Variants in NFKB1 observed in about 807,000 individuals in gnomAD.
The protein encoded by NFKB1 is nuclear factor kappa B subunit 1.
NFKB1 carries 9 observed loss-of-function variants against 105.1 expected under a neutral mutation model. That is an observed-to-expected ratio of 0.09 (90% CI 0.05 to 0.15). The LOEUF (loss-of-function observed/expected upper bound fraction) is 0.15. Ranked by LOEUF, NFKB1 falls within the 10% of genes least tolerant of loss-of-function variation. The pLI is 1.00. For synonymous variants in NFKB1, 440 were observed against 442.2 expected (o/e 1.00, Z 0.06); for missense variants, 830 against 1,203.7 (o/e 0.69, Z 4.59).
At position 102,610,514 on chromosome 4, in the gene NFKB1, C is replaced by T. The variant is rs1400652823; in HGVS notation, c.2228-61C>T. The stretch of plus-strand genomic sequence containing the variant: ...TTTGCCTTTGGGAATCTGACCTTTG[C>T]AGGCAGTTGGAAGTTGACAAGATCT... On this transcript the variant is annotated intron_variant, in intron 19 of 23. Transcript: ENST00000226574. 5.7e-6 allele frequency: 9 copies of T among 1,572,548 alleles called. No homozygotes were observed. In the African/African-American group the frequency reaches 1.2e-4, roughly 21 times the overall value.
At chr4:102,545,862 A>C (rs763395450) in intron 5 of NFKB1, among the ~76,000 whole-genome samples, 1 of 152,206 alleles carries the variant, frequency 6.6e-6, no homozygotes, top group African/African-American at 2.4e-5. Context: ...TAGATATTCA[A>C]TGTATACCGT....
intron 5 of NFKB1, among the ~76,000 whole-genome samples, chr4:102,542,861 AACTC>A (rs918771986): frequency 2.0e-5 from 3 of 152,208 alleles, no homozygotes; most frequent in African/African-American, 7.2e-5. Flanking sequence ...AGTTTGTACT[AACTC>A]TTATAGCAAA....
At chr4:102,509,059 A>G (rs1398348505) in intron 1 of NFKB1, among the ~76,000 whole-genome samples, 3 of 152,196 alleles carry the variant, frequency 2.0e-5, no homozygotes, top group Non-Finnish European at 2.9e-5. Context: ...TGGACTTTTC[A>G]CCACATTATG....
chr4:102,596,313 A>G lies in NFKB1; in HGVS notation c.1476A>G (p.Glu492=). The part of the protein sequence containing the change: ...VTLTYATGTK[E]ESAGVQDNLF... Reference sequence around the variant, plus strand: ...TAACGTATGCAACAGGAACAAAAGAAGAGAGTGCTGGAGTTCAGGGTAAGT... The same window carrying G: ...TAACGTATGCAACAGGAACAAAAGAGGAGAGTGCTGGAGTTCAGGGTAAGT... The change falls in exon 14 of 24, where the codon GAA becomes GAG. Residue 492 remains glutamate (E), a synonymous_variant. Transcript: ENST00000226574. The G allele has an allele frequency of 6.2e-7, 1 of 1,609,950 alleles. No homozygotes were observed. Among genetic ancestry groups the G allele is most frequent in the Non-Finnish European group, 8.5e-7 (1 of 1,177,342 alleles).
chr4:102,576,627 C>T (rs1724843440), intron 6 of NFKB1, among the ~76,000 whole-genome samples: 1 of 152,098 alleles, frequency 6.6e-6, no homozygotes, highest in Non-Finnish European at 1.5e-5. Flanking sequence ...GAAATACTAA[C>T]GTGTTTGACT....
intron 10 of NFKB1, among the ~76,000 whole-genome samples, chr4:102,584,071 T>C (rs1725522789): frequency 6.6e-6 from 1 of 152,180 alleles, no homozygotes; most frequent in Non-Finnish European, 1.5e-5. Context: ...TGGTACACTG[T>C]AGGAACTGCA....
intron 6 of NFKB1, among the ~76,000 whole-genome samples, chr4:102,569,477 T>G (rs1724141805): frequency 6.6e-6 from 1 of 152,140 alleles, no homozygotes; most frequent in Non-Finnish European, 1.5e-5. Flanking sequence ...AGTTCTGACT[T>G]GTAGATAAGA....
intron 6 of NFKB1, among the ~76,000 whole-genome samples, chr4:102,569,938 T>C (rs1356640695): frequency 6.6e-6 from 1 of 152,158 alleles, no homozygotes; most frequent in Non-Finnish European, 1.5e-5. Context: ...ACTGCCTTTC[T>C]TGGTAAAAAA....
chr4:102,614,963 G>A (rs926822031), intron 23 of NFKB1, among the ~76,000 whole-genome samples: 2 of 152,016 alleles, frequency 1.3e-5, no homozygotes, highest in Non-Finnish European at 2.9e-5. Flanking sequence ...CGTATGCGAC[G>A]CATCGAGTGT....
chr4:102,565,813 T>C (rs2149166347), intron 5 of NFKB1, among the ~76,000 whole-genome samples: 1 of 152,192 alleles, frequency 6.6e-6, no homozygotes, highest in East Asian at 1.9e-4. Context: ...AATTACTGCG[T>C]AGTTGAGAGA....
intron 16 of NFKB1, among the ~76,000 whole-genome samples, chr4:102,603,490 A>G (rs1375200741): frequency 3.3e-5 from 5 of 152,012 alleles, no homozygotes; most frequent in African/African-American, 9.7e-5. Context: ...TGATACTTCT[A>G]TCCCTTCTGA....
Position 102,589,617 on chromosome 4 carries a change from C to T in NFKB1, c.1067-3808C>T, listed in dbSNP as rs561697143. On this transcript the variant is annotated intron_variant, in intron 11 of 23. Coordinates refer to ENST00000226574, the MANE Select transcript of NFKB1 (RefSeq NM_003998.4). ...TAATCAGTAAACAGAGACCTTCTAT[C>T]TAGCCCTAAGATGACTGAAACAACC... 1.4e-4 allele frequency among the ~76,000 whole-genome samples: 22 copies of T among 152,218 alleles called. No individual in the cohort carries two copies. The East Asian group carries it at 3.9e-3, about 27-fold the overall frequency.
At chr4:102,596,445 C>G (rs2149206897) in intron 14 of NFKB1, 113 bp downstream of exon 14, 1 of 821,914 alleles carries the variant, frequency 1.2e-6, no homozygotes, top group Non-Finnish European at 1.7e-6. Flanking sequence ...GTTTAGTGTA[C>G]TCTTCAAAGT....
At chr4:102,586,190 A>AAG (rs1172572224) in intron 11 of NFKB1, among the ~76,000 whole-genome samples, 1 of 152,162 alleles carries the variant, frequency 6.6e-6, no homozygotes, top group South Asian at 2.1e-4. Context: ...TGGTGGACTT[A>AAG]AGAGAGAGTG....
Position 102,594,900 on chromosome 4 carries a change from T to C in NFKB1, c.1219T>C (p.Phe407Leu). ...GTGSTGPGYSFPHYGFPTYGG... is the reference protein window; with the variant it reads ...GTGSTGPGYSLPHYGFPTYGG... Reference sequence around the variant, plus strand: ...TTTACTTGCCGTTTCAGGGTATAGCTTCCCACACTATGGATTTCCTACTTA... The same window carrying C: ...TTTACTTGCCGTTTCAGGGTATAGCCTCCCACACTATGGATTTCCTACTTA... The change falls in exon 13 of 24, where the codon TTC (phenylalanine) becomes CTC (leucine). Residue 407 changes from phenylalanine to leucine, a missense_variant. Coordinates refer to ENST00000226574, the MANE Select transcript of NFKB1 (RefSeq NM_003998.4). 6.2e-7 allele frequency: 1 copy of C among 1,609,706 alleles called. No individual in the cohort carries two copies. Among genetic ancestry groups the C allele is most frequent in the Admixed American group, 1.7e-5 (1 of 59,868 alleles).
At chr4:102,579,526 A>G (rs1422309073) in intron 8 of NFKB1, among the ~76,000 whole-genome samples, 2 of 151,592 alleles carry the variant, frequency 1.3e-5, no homozygotes, top group Non-Finnish European at 2.9e-5. Context: ...TCAAAATCCT[A>G]TTTCAAGCCG....
Position 102,612,588 on chromosome 4 carries a change from A to G in NFKB1, c.2574A>G (p.Thr858=). The change falls in exon 22 of 24, where the codon ACA becomes ACG. Residue 858 remains threonine, a synonymous_variant. Transcript: ENST00000226574. ...GGCTGAGTCCTGCTCCTTCCAAAACACTTATGGACAACTATGAGGTAACAC... is the reference window on the plus strand; with the variant it reads ...GGCTGAGTCCTGCTCCTTCCAAAACGCTTATGGACAACTATGAGGTAACAC... ...AFRLSPAPSK[T]LMDNYEVSGG... is the part of the protein sequence containing the mutation. The G allele has an allele frequency of 6.2e-7, 1 of 1,613,688 alleles. No individual in the cohort carries two copies. The highest frequency in any genetic ancestry group is 1.1e-5 in the South Asian group (1 of 91,060).
At chr4:102,558,019 T>C (rs528685323) in intron 5 of NFKB1, among the ~76,000 whole-genome samples, 19 of 151,756 alleles carry the variant, frequency 1.3e-4, no homozygotes, top group African/African-American at 4.4e-4. Flanking sequence ...AGATGCTACA[T>C]TGATATCTAG....
At chr4:102,503,713 C>T (rs1264706796) in intron 1 of NFKB1, among the ~76,000 whole-genome samples, 1 of 152,104 alleles carries the variant, frequency 6.6e-6, no homozygotes, top group Admixed American at 6.5e-5. Flanking sequence ...ACCTCTTAAA[C>T]AAGATCTGTG....
Sources: allele counts gnomAD v4.1 joint callset (sites outside exome capture counted in the v4.1 genomes callset), GRCh38; gene constraint gnomAD v4.1.1; transcripts MANE v1.5; gene names NCBI Gene and HGNC (gene_info 2026-07-23, HGNC 2026-07-21).